XKR7: variants seen among roughly 807,000 people sequenced by gnomAD.
XKR7 encodes the protein XK related 7, also known as XK-related protein 7.
In XKR7, 11 loss-of-function variants were observed where a neutral mutation model predicts 42.2. That is an observed-to-expected ratio of 0.26 (90% CI 0.16 to 0.43). XKR7 has a LOEUF of 0.43. Ranked by LOEUF, XKR7 falls within the 20% of genes least tolerant of loss-of-function variation. The pLI is 1.00. For synonymous variants in XKR7, 346 were observed against 366.4 expected (o/e 0.94, Z 0.64); for missense variants, 710 against 802.2 (o/e 0.89, Z 1.39).
chr20:31,982,997 G>T (rs78935289), intron 1 of XKR7, among the ~76,000 whole-genome samples: 1 of 152,202 alleles, frequency 6.6e-6, no homozygotes, highest in African/African-American at 2.4e-5. Flanking sequence ...GTCCAGAGAC[G>T]GGAGGCAACT....
rs184885754 is a variant in XKR7, at chr20:31,975,360, C to T, written c.584+6601C>T. Among the ~76,000 whole-genome samples the T allele has an allele frequency of 3.9e-3, 591 of 152,202 alleles. 1 individual carries two copies. Among genetic ancestry groups the T allele is most frequent in the Non-Finnish European group, 6.0e-3 (408 of 68,008 alleles). On this transcript the variant is annotated intron_variant, in intron 1 of 2. Coordinates refer to ENST00000562532, the MANE Select transcript of XKR7 (RefSeq NM_001011718.2). ...TCTTTTGTCTTTCCTCCCTGCTCTA[C>T]CCACATGACAACCTGCTCCCCACCC...
At position 31,968,661 on chromosome 20, in the gene XKR7, G is replaced by C; in HGVS notation, c.486G>C (p.Ala162=). Residue 162 remains alanine, a synonymous_variant, in exon 1 of 3, where the codon GCG becomes GCC. Transcript: ENST00000562532. This position sits in a 1 kb window ranked among gnomAD's most constrained non-coding sequence, Gnocchi z 4.5. ...GCCCCGAGCCGGGTCCCCAGCCTGC[G>C]CCCTCCTCGGCCAGCGCCTACCGCC... is the stretch of plus-strand genomic sequence containing the variant. The part of the protein sequence containing the change: ...EGSPEPGPQP[A]PSSASAYRRR... 6.4e-7 allele frequency: 1 copy of C among 1,570,802 alleles called. No homozygotes were observed. The highest frequency in any genetic ancestry group is 8.6e-7 in the Non-Finnish European group (1 of 1,165,846).
At position 31,968,280 on chromosome 20, in the gene XKR7, G is replaced by T. The variant is rs1457783045; in HGVS notation, c.105G>T (p.Ala35=). ...CCGGCGGGCGCGGGGAGGCGGCGGC[G>T]GCGGCCGGGCCCCCGGGGGTCGTCG... is the stretch of plus-strand genomic sequence containing the variant. ...GSAGGRGEAA[A]AAGPPGVVGA... is the part of the protein sequence containing the mutation. Residue 35 remains alanine (A), a synonymous_variant, in exon 1 of 3, where the codon GCG becomes GCT. Transcript: ENST00000562532. This position sits in a 1 kb window ranked among gnomAD's most constrained non-coding sequence, Gnocchi z 4.5. 37 of 1,182,446 alleles carry T rather than the reference G, an allele frequency of 3.1e-5. No homozygotes were observed. The highest frequency in any genetic ancestry group is 3.6e-5 in the Non-Finnish European group (34 of 957,054). 73.2% of individuals were successfully genotyped at this position (1,182,446 alleles called of 1,614,324 possible).
chr20:31,979,605 A>G (rs752818577), intron 1 of XKR7, among the ~76,000 whole-genome samples: 3 of 152,062 alleles, frequency 2.0e-5, no homozygotes, highest in Non-Finnish European at 4.4e-5. Context: ...AGTCCCTCAT[A>G]ATGATAGCAG....
Position 31,968,831 on chromosome 20 carries a change from C to T in XKR7, c.584+72C>T, listed in dbSNP as rs2064450296. ...GGCGAAGGGCTACCTGACGTCCCAG[C>T]CCTGATCTGACCTTTCCGGGCTACC... is the stretch of plus-strand genomic sequence containing the variant. On this transcript the variant is annotated intron_variant, in intron 1 of 2. Transcript: ENST00000562532. This position sits in a 1 kb window ranked among gnomAD's most constrained non-coding sequence, Gnocchi z 4.5. The T allele has an allele frequency of 7.0e-7, 1 of 1,437,868 alleles. No homozygotes were observed. The highest frequency in any genetic ancestry group is 2.5e-5 in the East Asian group (1 of 40,044). 89.1% of individuals were successfully genotyped at this position (1,437,868 alleles called of 1,614,324 possible). A position where few individuals can be genotyped will look rare whatever the true frequency, so the allele number is the denominator to read the frequency against.
At chr20:31,982,015 G>A (rs2064515596) in intron 1 of XKR7, among the ~76,000 whole-genome samples, 1 of 152,262 alleles carries the variant, frequency 6.6e-6, no homozygotes, top group South Asian at 2.1e-4. Flanking sequence ...TCCTCCAATA[G>A]CACTGCCATC....
chr20:31,997,309 AGTACCC>A lies in XKR7; in HGVS notation c.1594_1599del (p.Tyr532_Pro533del). ...ATCCGGATTGACTTGCCTCGCAAGAAGTACCCGGCCTGGGATGCTCATTTTATTGAC... is the reference window on the plus strand; with the variant it reads ...ATCCGGATTGACTTGCCTCGCAAGAAGGCCTGGGATGCTCATTTTATTGAC... On this transcript the variant is annotated inframe_deletion, in exon 3 of 3. Coordinates refer to ENST00000562532, the MANE Select transcript of XKR7 (RefSeq NM_001011718.2). The A allele has an allele frequency of 1.9e-6, 3 of 1,611,494 alleles. No individual in the cohort carries two copies. The highest frequency in any genetic ancestry group is 2.5e-6 in the Non-Finnish European group (3 of 1,180,010).
At chr20:31,990,213 TGG>T (rs1491236886) in intron 1 of XKR7, among the ~76,000 whole-genome samples, 7 of 149,108 alleles carry the variant, frequency 4.7e-5, no homozygotes, top group Non-Finnish European at 1.0e-4. Flanking sequence ...TGTGTGTGTG[TGG>T]AAACAGGGAC....
At chr20:31,982,070 C>T (rs1318119476) in intron 1 of XKR7, among the ~76,000 whole-genome samples, 3 of 152,146 alleles carry the variant, frequency 2.0e-5, no homozygotes, top group African/African-American at 4.8e-5. Flanking sequence ...TTTCTGGAGC[C>T]CATGGAACAT....
chr20:31,987,237 G>C (rs1346569685), intron 1 of XKR7, among the ~76,000 whole-genome samples: 10 of 138,458 alleles, frequency 7.2e-5, no homozygotes, highest in African/African-American at 2.2e-4. Context: ...CCAGTATTAA[G>C]ACACAGACAG....
In XKR7 at chr20:32,000,117, C is replaced by A. The variant is rs2064617181; in HGVS notation, c.*2660C>A. On this transcript the variant is annotated 3_prime_UTR_variant, in exon 3 of 3. Coordinates refer to ENST00000562532, the MANE Select transcript of XKR7 (RefSeq NM_001011718.2). ...GGCCCAGGGAGAGGGCTGCAGGCAC[C>A]TCCTCCTGCTTCTCACCCTCAGAAG... 1 of 152,296 alleles carries A rather than the reference C, an allele frequency of 6.6e-6. No homozygotes were observed. 9.4% of individuals were successfully genotyped at this position (152,296 alleles called of 1,614,324 possible).
At chr20:31,972,475 C>T (rs2064469523) in intron 1 of XKR7, among the ~76,000 whole-genome samples, 1 of 152,226 alleles carries the variant, frequency 6.6e-6, no homozygotes, top group Non-Finnish European at 1.5e-5. Context: ...CACCAACCTG[C>T]AACTTCATCC....
rs2064586027 is a variant in XKR7, at chr20:31,995,241, A to G, written c.758A>G (p.His253Arg). The change falls in exon 2 of 3, where the codon CAC (histidine) becomes CGC (arginine). Residue 253 changes from histidine (H) to arginine (R), a missense_variant. His to Arg is a conservative substitution (Grantham distance 29). Transcript: ENST00000562532. This position sits in a 1 kb window ranked among gnomAD's most constrained non-coding sequence, Gnocchi z 4.1. ...QLVLQLSLLV[H>R]RGGAPDLLPA... The stretch of plus-strand genomic sequence containing the variant: ...GTGCTGCAGCTCAGCCTGCTGGTGC[A>G]CCGCGGTGGCGCGCCCGACCTGCTG... 1.3e-6 allele frequency: 2 copies of G among 1,539,860 alleles called. No homozygotes were observed. Among genetic ancestry groups the G allele is most frequent in the Admixed American group, 2.0e-5 (1 of 50,874 alleles).
rs2064449362 is a variant in XKR7, at chr20:31,968,723, C to T, written c.548C>T (p.Thr183Ile). 6.4e-7 allele frequency: 1 copy of T among 1,554,170 alleles called. No homozygotes were observed. Residue 183 changes from threonine (T) to isoleucine (I), a missense_variant, in exon 1 of 3, where the codon ACC (threonine) becomes ATC (isoleucine). Thr to Ile is a moderately conservative substitution (Grantham distance 89, BLOSUM62 -1). This residue lies in a region of XKR7 where 708 missense variants were observed against 786.2 expected (regional missense o/e 0.90). Transcript: ENST00000562532. The surrounding 1 kb of genome is among the most constrained non-coding windows in gnomAD (Gnocchi z 4.5). ...CCRLCIWLLQTLVHLLQLGQV... is the reference protein window; with the variant it reads ...CCRLCIWLLQILVHLLQLGQV... ...CGCCTCTGCATCTGGCTGCTGCAGACCCTCGTCCACCTCCTGCAGCTCGGC... is the reference window on the plus strand; with the variant it reads ...CGCCTCTGCATCTGGCTGCTGCAGATCCTCGTCCACCTCCTGCAGCTCGGC...
In XKR7 at chr20:31,968,403, G is replaced by A; in HGVS notation, c.228G>A (p.Trp76Ter). Reference sequence around the variant, plus strand: ...TCTCCGACGGTGCCACGGACCTGTGGCTGGCGGCCTCCTACTACCTGCAGA... The same window carrying A: ...TCTCCGACGGTGCCACGGACCTGTGACTGGCGGCCTCCTACTACCTGCAGA... ...VFFSDGATDL[W>*]LAASYYLQNQ... is the part of the protein sequence containing the mutation. Residue 76 changes from tryptophan to a stop codon, truncating the protein, a stop_gained, in exon 1 of 3, where the codon TGG becomes TGA. Transcript: ENST00000562532. LOFTEE classifies it high-confidence loss of function. This position sits in a 1 kb window ranked among gnomAD's most constrained non-coding sequence, Gnocchi z 4.5. 1 of 1,613,558 alleles carries A rather than the reference G, an allele frequency of 6.2e-7. No individual in the cohort carries two copies. The highest frequency in any genetic ancestry group is 8.5e-7 in the Non-Finnish European group (1 of 1,179,808).
In XKR7 at chr20:31,968,221, C is replaced by G. The variant is rs2064443436; in HGVS notation, c.46C>G (p.Pro16Ala). ...DGAAASASPD[P>A]EGAAGGARGS... is the part of the protein sequence containing the mutation. The stretch of plus-strand genomic sequence containing the variant: ...AGCGGCGGCCTCGGCCAGCCCGGAC[C>G]CGGAGGGGGCTGCCGGTGGAGCCCG... Residue 16 changes from proline to alanine, a missense_variant, in exon 1 of 3, where the codon CCG becomes GCG. Physicochemically the swap from Pro to Ala is conservative, Grantham distance 27. Around this residue, in one of 2 missense-constraint regions of XKR7, gnomAD observed 708 missense variants for 786.2 expected, o/e 0.90. Transcript: ENST00000562532. This position sits in a 1 kb window ranked among gnomAD's most constrained non-coding sequence, Gnocchi z 4.5. 8.6e-7 allele frequency: 1 copy of G among 1,161,318 alleles called. No homozygotes were observed. The highest frequency in any genetic ancestry group is 1.6e-5 in the African/African-American group (1 of 61,752). 71.9% of individuals were successfully genotyped at this position (1,161,318 alleles called of 1,614,324 possible).
Position 31,968,776 on chromosome 20 carries a change from TG to T in XKR7, c.584+19del. On this transcript the variant is annotated intron_variant, in intron 1 of 2. Coordinates refer to ENST00000562532, the MANE Select transcript of XKR7 (RefSeq NM_001011718.2). The surrounding 1 kb of genome is among the most constrained non-coding windows in gnomAD (Gnocchi z 4.5). The stretch of plus-strand genomic sequence containing the variant: ...GGTCTGGAGGTAGGAGAAGCGCAGG[TG>T]GAGGGACCTGAGCCCGAGGAGTGGG... 6.8e-7 allele frequency: 1 copy of T among 1,480,798 alleles called. No individual in the cohort carries two copies. The highest frequency in any genetic ancestry group is 1.4e-5 in the South Asian group (1 of 73,932). 91.7% of individuals were successfully genotyped at this position (1,480,798 alleles called of 1,614,324 possible). A position where few individuals can be genotyped will look rare whatever the true frequency, so the allele number is the denominator to read the frequency against.
At chr20:31,994,338 G>T (rs989349205) in intron 1 of XKR7, among the ~76,000 whole-genome samples, 1 of 152,216 alleles carries the variant, frequency 6.6e-6, no homozygotes. Context: ...GGCTGGGTTT[G>T]TGTCCTGGTT....
Position 31,996,945 on chromosome 20 carries a change from A to G in XKR7, c.1228A>G (p.Thr410Ala). 6.2e-7 allele frequency: 1 copy of G among 1,614,060 alleles called. No homozygotes were observed. The highest frequency in any genetic ancestry group is 8.5e-7 in the Non-Finnish European group (1 of 1,180,012). The change falls in exon 3 of 3, where the codon ACC (threonine) becomes GCC (alanine). Residue 410 changes from threonine to alanine, a missense_variant. Physicochemically the swap from Thr to Ala is moderately conservative, Grantham distance 58. This residue lies in a region of XKR7 where 708 missense variants were observed against 786.2 expected (regional missense o/e 0.90). Coordinates refer to ENST00000562532, the MANE Select transcript of XKR7 (RefSeq NM_001011718.2). ...GFWYSSRNFSTDFYSLIMVCV... is the reference protein window; with the variant it reads ...GFWYSSRNFSADFYSLIMVCV... ...CTGGTACTCCAGCCGCAACTTCTCA[A>G]CCGACTTCTACTCGCTCATCATGGT...
Sources: gnomAD v4.1 joint callset for allele counts (sites outside exome capture counted in the v4.1 genomes callset) on GRCh38, gnomAD v4.1.1 for gene constraint, gnomAD v4.1.1 regional missense constraint, Gnocchi (gnomAD v3.1) non-coding constraint, MANE v1.5 for transcripts, NCBI Gene and HGNC (gene_info 2026-07-23, HGNC 2026-07-21) for gene names.